The following HCFC1 variants were observed in gnomAD, a reference collection of about 807,000 sequenced individuals.
The protein encoded by HCFC1 is host cell factor 1.
Under a neutral mutation model 105.5 loss-of-function variants are expected in HCFC1, and 7 were observed. The ratio of observed to expected loss-of-function variants is 0.07; its 90% confidence interval spans 0.04 to 0.12. HCFC1 has a LOEUF of 0.12. HCFC1 is among the 10% of genes least tolerant of loss of function. HCFC1 has a pLI of 1.00. For synonymous variants in HCFC1, 918 were observed against 828.1 expected (o/e 1.11, Z -1.86); for missense variants, 1,065 against 1,823.6 (o/e 0.58, Z 7.58).
intron 1 of HCFC1, among the ~76,000 whole-genome samples, chrX:153,968,243 C>A (rs2065491009): frequency 9.0e-6 from 1 of 111,529 alleles, no homozygotes; most frequent in Admixed American, 9.5e-5. Flanking sequence ...ACAGTAGCTA[C>A]CCTAAGAGCT....
chrX:153,950,736 C>T lies in HCFC1; in HGVS notation c.5703+77G>A, dbSNP rs781862126. Reference sequence around the variant, plus strand: ...GACTCAAAACCTAGCTCTCCTATGCCCCCCCCCGGCCACCTCATGTGCTGA... The same window carrying T: ...GACTCAAAACCTAGCTCTCCTATGCTCCCCCCCGGCCACCTCATGTGCTGA... On this transcript the variant is annotated intron_variant, in intron 23 of 25. Transcript: ENST00000310441. 277 of 1,032,315 alleles carry T rather than the reference C, an allele frequency of 2.7e-4. 1 individual carries two copies. The highest frequency in any genetic ancestry group is 7.9e-4 in the East Asian group (26 of 32,797). The allele number at this position is 1,032,315 out of a possible 1,213,427, so 85.1% of individuals were successfully genotyped here.
chrX:153,954,019 T>C, intron 17 of HCFC1, 47 bp downstream of exon 17: 5 of 1,150,175 alleles, frequency 4.3e-6, no homozygotes, highest in Non-Finnish European at 5.9e-6. Flanking sequence ...CCTTTCAGCC[T>C]GGGGGGCTGG....
At position 153,952,927 on chromosome X, in the gene HCFC1, G is replaced by A; in HGVS notation, c.4529C>T (p.Pro1510Leu). 3 of 1,178,114 alleles carry A rather than the reference G, an allele frequency of 2.5e-6. No individual in the cohort carries two copies. The highest frequency in any genetic ancestry group is 3.4e-6 in the Non-Finnish European group (3 of 879,248). Residue 1510 changes from proline to leucine, a missense_variant, in exon 19 of 26, where the codon CCT (proline) becomes CTT (leucine). This residue lies in a region of HCFC1 where 546 missense variants were observed against 599.9 expected (regional missense o/e 0.91). Transcript: ENST00000310441. ...CTGCCGTGGCGGCAGCTGCTGGCGA[G>A]GACCTGGCGACACCTGGAGTTCCTC... ...PPEELQVSPG[P>L]RQQLPPRQLL...
rs1485463269 is a variant in HCFC1 at position 153,952,953 on chromosome X, T to C, written c.4503A>G (p.Pro1501=). 3 of 1,169,567 alleles carry C rather than the reference T, an allele frequency of 2.6e-6. No individual in the cohort carries two copies. The Admixed American group carries it at 7.5e-5, about 29-fold the overall frequency. ...TPVPGPSVPP[P]EELQVSPGPR... Reference sequence around the variant, plus strand: ...GACCTGGCGACACCTGGAGTTCCTCTGGGGGCTGCAGGATGTCAACAGCAG... The same window carrying C: ...GACCTGGCGACACCTGGAGTTCCTCCGGGGGCTGCAGGATGTCAACAGCAG... The change falls in exon 19 of 26, where the codon CCA becomes CCG. Residue 1501 remains proline (P), a synonymous_variant. Coordinates refer to ENST00000310441, the MANE Select transcript of HCFC1 (RefSeq NM_005334.3).
Position 153,951,956 on chromosome X carries a change from C to T in HCFC1, c.5145G>A (p.Glu1715=). 1 of 1,188,579 alleles carries T rather than the reference C, an allele frequency of 8.4e-7. No individual in the cohort carries two copies. Among genetic ancestry groups the T allele is most frequent in the Non-Finnish European group, 1.1e-6 (1 of 884,451 alleles). ...TGAGACTGTCGGCAGGGGCCAGGGC[C>T]TCAGTGGGGAGGTGGTGATGCTGCT... ...AQQQHHHLPT[E]ALAPADSLND... The change falls in exon 20 of 26, where the codon GAG becomes GAA. Residue 1715 remains glutamate (E), a synonymous_variant. Coordinates refer to ENST00000310441, the MANE Select transcript of HCFC1 (RefSeq NM_005334.3).
At chrX:153,951,280 G>A in intron 22 of HCFC1, 70 bp downstream of exon 22, 1 of 1,145,031 alleles carries the variant, frequency 8.7e-7, no homozygotes, top group Non-Finnish European at 1.2e-6. Flanking sequence ...GGAGTTTCCT[G>A]TAAGCCCCGC....
Position 153,954,685 on chromosome X carries a change from G to A in HCFC1, c.3714C>T (p.Ser1238=), listed in dbSNP as rs1557114015. Reference sequence around the variant, plus strand: ...CGCTGGAACGGGTCATGGCAGCGGTGCTGACCGCATGGCTGTGGCGCCCCG... The same window carrying A: ...CGCTGGAACGGGTCATGGCAGCGGTACTGACCGCATGGCTGTGGCGCCCCG... The part of the protein sequence containing the change: ...LPAGRHSHAV[S]TAAMTRSSVG... Residue 1238 remains serine, a synonymous_variant, in exon 17 of 26, where the codon AGC becomes AGT. Transcript: ENST00000310441. 1 of 1,205,323 alleles carries A rather than the reference G, an allele frequency of 8.3e-7. No homozygotes were observed. The highest frequency in any genetic ancestry group is 3.0e-5 in the East Asian group (1 of 33,631).
chrX:153,963,577 G>T, intron 3 of HCFC1, 144 bp from the exon 4 acceptor site: 1 of 464,086 alleles, frequency 2.2e-6, no homozygotes, highest in Non-Finnish European at 3.7e-6. Flanking sequence ...CCTAGCTCTT[G>T]AGGAAGGGGC....
Position 153,962,314 on chromosome X carries a change from G to A in HCFC1, c.713-8C>T. On this transcript the variant is annotated splice_polypyrimidine_tract_variant and splice_region_variant and intron_variant, in intron 4 of 25. Coordinates refer to ENST00000310441, the MANE Select transcript of HCFC1 (RefSeq NM_005334.3). Reference sequence around the variant, plus strand: ...TATTCCACGTCAGGGTGTCTGCAGAGAGACGGAGGGGAAAGGGTTACACAA... The same window carrying A: ...TATTCCACGTCAGGGTGTCTGCAGAAAGACGGAGGGGAAAGGGTTACACAA... 8.5e-7 allele frequency: 1 copy of A among 1,180,035 alleles called. No homozygotes were observed. The highest frequency in any genetic ancestry group is 1.2e-6 in the Non-Finnish European group (1 of 867,653).
chrX:153,953,156 G>T (rs1047418003), intron 18 of HCFC1, 198 bp from the exon 19 acceptor site: 1 of 461,103 alleles, frequency 2.2e-6, no homozygotes, highest in African/African-American at 2.4e-5. Flanking sequence ...GCAGGGCTGA[G>T]AAGCAAGCCA....
At chrX:153,958,400 CCTTT>C (rs2065398303) in intron 10 of HCFC1, 151 bp from the exon 11 acceptor site, 1 of 679,677 alleles carries the variant, frequency 1.5e-6, no homozygotes, top group African/African-American at 2.1e-5. Context: ...GTTCCCCCTT[CCTTT>C]AACAGGCAAG....
chrX:153,961,739 C>T, intron 5 of HCFC1, 91 bp from the exon 6 acceptor site: 1 of 648,692 alleles, frequency 1.5e-6, no homozygotes, highest in Admixed American at 2.6e-5. Flanking sequence ...GAGCTCAGTC[C>T]TCTGGCTCTC....
At position 153,950,539 on chromosome X, in the gene HCFC1, G is replaced by C; in HGVS notation, c.5708C>G (p.Pro1903Arg). ...CTCCCAGGTGAGGTGAGCACCATCCGGACTCTAGAAGCCAGGGGGTCAGAA... is the reference window on the plus strand; with the variant it reads ...CTCCCAGGTGAGGTGAGCACCATCCCGACTCTAGAAGCCAGGGGGTCAGAA... ...APCAIKISKS[P>R]DGAHLTWEPP... Residue 1903 changes from proline to arginine, a missense_variant, in exon 24 of 26, where the codon CCG becomes CGG. Pro to Arg is a moderately radical substitution (Grantham distance 103, BLOSUM62 -2). Coordinates refer to ENST00000310441, the MANE Select transcript of HCFC1 (RefSeq NM_005334.3). 8.6e-7 allele frequency: 1 copy of C among 1,158,449 alleles called. No individual in the cohort carries two copies. The highest frequency in any genetic ancestry group is 1.2e-6 in the Non-Finnish European group (1 of 868,241).
At position 153,957,814 on chromosome X, in the gene HCFC1, C is replaced by A; in HGVS notation, c.2101G>T (p.Ala701Ser). The A allele has an allele frequency of 8.3e-7, 1 of 1,210,093 alleles. No individual in the cohort carries two copies. Among genetic ancestry groups the A allele is most frequent in the Non-Finnish European group, 1.1e-6 (1 of 893,793 alleles). The change falls in exon 12 of 26, where the codon GCG becomes TCG. Residue 701 changes from alanine to serine, a missense_variant. Coordinates refer to ENST00000310441, the MANE Select transcript of HCFC1 (RefSeq NM_005334.3). ...PVQTSAVTGQ[A>S]STGPVTQIIQ... ...ATCTGAGTCACAGGACCCGTGGACG[C>A]CTGGCCTGTGACTGCTGAAGTCTGA...
rs199953428 is a variant in HCFC1 at position 153,949,579 on chromosome X, G to A, written c.6042C>T (p.Asn2014=). 2.1e-4 allele frequency: 252 copies of A among 1,209,731 alleles called. No individual in the cohort carries two copies. Among genetic ancestry groups the A allele is most frequent in the Non-Finnish European group, 2.5e-4 (222 of 894,650 alleles). The stretch of plus-strand genomic sequence containing the variant: ...TTTCTGGAGAGGACATGGGCCGCTT[G>A]TTGGCTGGCTTGGTGCCAGAGCTGT... ...SKDSSGTKPA[N]KRPMSSPEMK... is the part of the protein sequence containing the mutation. The change falls in exon 25 of 26, where the codon AAC becomes AAT. Residue 2014 remains asparagine (N), a synonymous_variant. Coordinates refer to ENST00000310441, the MANE Select transcript of HCFC1 (RefSeq NM_005334.3).
At position 153,971,053 on chromosome X, in the gene HCFC1, G is replaced by A. The variant is rs1557120018; in HGVS notation, c.-213C>T. ...CGCTCACCCCGTCTCCGCAAGAGCC[G>A]CCCGAAACTGTCGAGCGCCTAGGCT... On this transcript the variant is annotated 5_prime_UTR_variant, in exon 1 of 26. Transcript: ENST00000310441. The A allele has an allele frequency of 5.3e-6, 2 of 376,679 alleles. No individual in the cohort carries two copies. Among genetic ancestry groups the A allele is most frequent in the African/African-American group, 2.7e-5 (1 of 37,401 alleles). 31.0% of individuals were successfully genotyped at this position (376,679 alleles called of 1,213,427 possible). A position where few individuals can be genotyped will look rare whatever the true frequency, so the allele number is the denominator to read the frequency against.
At chrX:153,959,211 G>T (rs1163696118) in intron 9 of HCFC1, 120 bp downstream of exon 9, 7 of 755,752 alleles carry the variant, frequency 9.3e-6, no homozygotes, top group Non-Finnish European at 1.3e-5. Context: ...CGTCCCAGGA[G>T]GGAAAGGTGT....
In HCFC1 at chrX:153,957,806, C is replaced by T. The variant is rs3027888; in HGVS notation, c.2109G>A (p.Thr703=). ...QTSAVTGQAS[T]GPVTQIIQTK... is the part of the protein sequence containing the mutation. ...CCTGGATGATCTGAGTCACAGGACC[C>T]GTGGACGCCTGGCCTGTGACTGCTG... is the stretch of plus-strand genomic sequence containing the variant. The change falls in exon 12 of 26, where the codon ACG becomes ACA. Residue 703 remains threonine (T), a synonymous_variant. Transcript: ENST00000310441. The T allele has an allele frequency of 6.8e-3, 8,138 of 1,205,510 alleles. 27 individuals are homozygous for T. Among genetic ancestry groups the T allele is most frequent in the Middle Eastern group, 0.018 (80 of 4,343 alleles).
At chrX:153,956,809 T>C (rs2065381921) in intron 14 of HCFC1, 46 bp from the exon 15 acceptor site, 1 of 1,207,568 alleles carries the variant, frequency 8.3e-7, no homozygotes, top group Non-Finnish European at 1.1e-6. Flanking sequence ...ACCAGGCTGG[T>C]AGATGCCACC....
Sources: allele counts gnomAD v4.1 joint callset (sites outside exome capture counted in the v4.1 genomes callset), GRCh38; gene constraint gnomAD v4.1.1; regional missense constraint gnomAD v4.1.1; transcripts MANE v1.5; gene names NCBI Gene and HGNC (gene_info 2026-07-23, HGNC 2026-07-21).